The following VPS13A variants were observed in gnomAD, a reference collection of about 807,000 sequenced individuals.
VPS13A encodes the protein vacuolar protein sorting 13 homolog A, also known as intermembrane lipid transfer protein VPS13A.
VPS13A carries 264 observed loss-of-function variants against 390.9 expected under a neutral mutation model. The observed-to-expected ratio is 0.68, with a 90% CI of 0.61 to 0.75. VPS13A has a LOEUF of 0.75. Among genes scored for constraint, VPS13A ranks in the 30% least tolerant of loss-of-function variants. VPS13A has a pLI of 0.00. For missense variants in VPS13A, 3,409 were observed against 3,733.9 expected (o/e 0.91, Z 2.27); for synonymous variants, 1,231 against 1,227.1 (o/e 1.00, Z -0.07).
intron 20 of VPS13A, among the ~76,000 whole-genome samples, chr9:77,248,469 C>T (rs572453929): frequency 1.3e-4 from 19 of 151,040 alleles, no homozygotes; most frequent in South Asian, 6.3e-4. Flanking sequence ...CTGCCCACCT[C>T]GGCCTCCCAA....
intron 71 of VPS13A, among the ~76,000 whole-genome samples, chr9:77,412,855 G>C (rs1303963612): frequency 1.3e-5 from 2 of 152,044 alleles, no homozygotes; most frequent in Non-Finnish European, 2.9e-5. Context: ...AAACCCCATC[G>C]TCTCAGCCCC....
At chr9:77,334,252 G>A (rs1340634388) in intron 46 of VPS13A, among the ~76,000 whole-genome samples, 1 of 152,162 alleles carries the variant, frequency 6.6e-6, no homozygotes, top group Non-Finnish European at 1.5e-5. Flanking sequence ...TTCACAGTTA[G>A]ATGGTTGCTC....
intron 10 of VPS13A, among the ~76,000 whole-genome samples, chr9:77,219,549 ATCAGAAAT>A (rs1823065612): frequency 6.6e-6 from 1 of 152,214 alleles, no homozygotes; most frequent in South Asian, 2.1e-4. Flanking sequence ...AGAGAAATTG[ATCAGAAAT>A]TCAGAAATTA....
rs530481793 is a variant in VPS13A at position 77,366,655 on chromosome 9, C to T, written c.8326-72C>T. 64 of 1,351,056 alleles carry T rather than the reference C, an allele frequency of 4.7e-5. No homozygotes were observed. In the East Asian group the frequency reaches 1.0e-3, roughly 21 times the overall value. 83.7% of individuals were successfully genotyped at this position (1,351,056 alleles called of 1,614,324 possible). ...ATGGTGTAGTGAATTTAAAATTAAA[C>T]TGATTTTTTAAGAGTTAAAATTGTC... On this transcript the variant is annotated intron_variant, in intron 60 of 71. Coordinates refer to ENST00000360280, the MANE Select transcript of VPS13A (RefSeq NM_033305.3).
At chr9:77,189,082 A>C (rs148929851) in intron 1 of VPS13A, among the ~76,000 whole-genome samples, 1 of 147,650 alleles carries the variant, frequency 6.8e-6, no homozygotes, top group Admixed American at 6.7e-5. Context: ...CTCTGTGGAC[A>C]GTTTCATTTG....
chr9:77,405,302 A>T (rs768671577), intron 69 of VPS13A, among the ~76,000 whole-genome samples: 14 of 152,136 alleles, frequency 9.2e-5, no homozygotes, highest in Non-Finnish European at 1.6e-4. Context: ...CTTTTTTCTG[A>T]TGTAGTTGGG....
chr9:77,399,187 A>T (rs1563990826), intron 68 of VPS13A, among the ~76,000 whole-genome samples: 23 of 140,734 alleles, frequency 1.6e-4, no homozygotes, highest in East Asian at 1.4e-3. Flanking sequence ...AAAATAAAAA[A>T]AAAAAAAAAA....
intron 3 of VPS13A, among the ~76,000 whole-genome samples, chr9:77,203,873 A>C (rs1344134705): frequency 2.6e-5 from 4 of 152,124 alleles, no homozygotes; most frequent in Non-Finnish European, 4.4e-5. Context: ...AAAACTTAGA[A>C]AGTTATTCCT....
At chr9:77,189,755 G>C (rs933967745) in intron 1 of VPS13A, among the ~76,000 whole-genome samples, 2 of 152,160 alleles carry the variant, frequency 1.3e-5, no homozygotes, top group South Asian at 4.2e-4. Context: ...TTTTCCATTT[G>C]TTTGTGTTGT....
rs748215380 is a variant in VPS13A at position 77,226,622 on chromosome 9, A to G, written c.1357+24A>G. 28 of 1,606,670 alleles carry G rather than the reference A, an allele frequency of 1.7e-5. No individual in the cohort carries two copies. The Admixed American group carries it at 3.3e-4, about 19-fold the overall frequency. ...AAGTATGTCCATTTCATTTTACAGCATAGTTAATCACTGGGTGTCAAAATA... is the reference window on the plus strand; with the variant it reads ...AAGTATGTCCATTTCATTTTACAGCGTAGTTAATCACTGGGTGTCAAAATA... On this transcript the variant is annotated intron_variant, in intron 15 of 71. Transcript: ENST00000360280.
intron 31 of VPS13A, among the ~76,000 whole-genome samples, chr9:77,284,512 C>T (rs947956196): frequency 4.6e-5 from 7 of 151,906 alleles, no homozygotes; most frequent in Non-Finnish European, 7.4e-5. Flanking sequence ...TTCCAGAAGC[C>T]GTGGTTTTAT....
intron 31 of VPS13A, among the ~76,000 whole-genome samples, chr9:77,291,629 C>T (rs1190868469): frequency 3.9e-5 from 6 of 152,156 alleles, no homozygotes; most frequent in African/African-American, 1.4e-4. Flanking sequence ...GACCTTTCTT[C>T]TACTCTTGTA....
intron 22 of VPS13A, among the ~76,000 whole-genome samples, chr9:77,259,503 T>C (rs535092749): frequency 1.3e-5 from 2 of 152,232 alleles, no homozygotes; most frequent in African/African-American, 4.8e-5. Context: ...TTAGGGAAAA[T>C]GCAGGGATAA....
At chr9:77,270,706 A>G (rs2131319247) in intron 23 of VPS13A, among the ~76,000 whole-genome samples, 1 of 152,190 alleles carries the variant, frequency 6.6e-6, no homozygotes, top group Admixed American at 6.5e-5. Context: ...CAAAAAAAAA[A>G]TTGTACAATA....
At chr9:77,222,436 C>G (rs1823272609) in intron 13 of VPS13A, among the ~76,000 whole-genome samples, 1 of 152,178 alleles carries the variant, frequency 6.6e-6, no homozygotes, top group Non-Finnish European at 1.5e-5. Flanking sequence ...CAGCTTATTT[C>G]AATAGCTATG....
chr9:77,321,443 T>C (rs1181469528), intron 43 of VPS13A, 48 bp from the exon 44 acceptor site: 1 of 1,607,982 alleles, frequency 6.2e-7, no homozygotes, highest in African/African-American at 1.3e-5. Context: ...CTCCTTGTCA[T>C]TTAATTTTAC....
intron 70 of VPS13A, among the ~76,000 whole-genome samples, chr9:77,406,549 CT>C (rs1169716615): frequency 6.6e-6 from 1 of 152,102 alleles, no homozygotes; most frequent in Non-Finnish European, 1.5e-5. Flanking sequence ...TCCTGAGTAG[CT>C]GGGATTACAG....
intron 71 of VPS13A, among the ~76,000 whole-genome samples, chr9:77,412,429 G>T (rs1834982106): frequency 6.6e-6 from 1 of 152,190 alleles, no homozygotes. Flanking sequence ...GGGATGCAAG[G>T]CTGGTTCAAC....
rs372056378 is a variant in VPS13A, at chr9:77,372,120, G to A, written c.9077+971G>A. On this transcript the variant is annotated intron_variant, in intron 67 of 71. Transcript: ENST00000360280. ...AATGCCGCAATAAACATACGTGTGC[G>A]TGTGTCTTTATAGCAGCATGATTTA... Among the ~76,000 whole-genome samples, 559 of 150,912 alleles carry A rather than the reference G, an allele frequency of 3.7e-3. 1 individual carries two copies. The highest frequency in any genetic ancestry group is 0.013 in the African/African-American group (522 of 40,826).
Sources: gnomAD v4.1 joint callset for allele counts (sites outside exome capture counted in the v4.1 genomes callset) on GRCh38, gnomAD v4.1.1 for gene constraint, MANE v1.5 for transcripts, NCBI Gene and HGNC (gene_info 2026-07-23, HGNC 2026-07-21) for gene names.